Variants in GKN2 observed in about 807,000 individuals in gnomAD.
GKN2 encodes gastrokine 2, also known as gastrokine-2.
A neutral mutation model predicts 22.7 loss-of-function variants in GKN2; 17 were observed. That is an observed-to-expected ratio of 0.75 (90% confidence interval 0.51 to 1.13). The LOEUF is 1.13. GKN2 is among the 50% of genes most tolerant of loss of function. The probability of loss-of-function intolerance (pLI) is 0.00; values close to 1 mark genes in which losing one functional copy is unlikely to be tolerated. For missense variants in GKN2, 248 were observed against 221.4 expected, an observed-to-expected ratio of 1.12 and a Z score of -0.76; for synonymous variants, 82 against 79.6, an observed-to-expected ratio of 1.03 and a Z score of -0.16.
intron 2 of GKN2, 83 bp from the exon 3 acceptor site, chr2:68,950,346 G>C: frequency 7.4e-7 from 1 of 1,354,816 alleles, no homozygotes; most frequent in Non-Finnish European, 1.0e-6. Context: ...TAAAGCAGCT[G>C]CCTGCTATGA....
intron 1 of GKN2, among the ~76,000 whole-genome samples, 175 bp from the exon 2 acceptor site, chr2:68,950,930 T>A (rs560868610): frequency 6.6e-6 from 1 of 152,306 alleles, no homozygotes; most frequent in East Asian, 1.9e-4. Flanking sequence ...GGCTCACACA[T>A]TGGCTCATTT....
At chr2:68,947,985 C>T (rs1382811570) in intron 3 of GKN2, among the ~76,000 whole-genome samples, 1 of 151,850 alleles carries the variant, frequency 6.6e-6, no homozygotes, top group African/African-American at 2.4e-5. Flanking sequence ...GTGGCTCACA[C>T]CTGTAATCCC....
At chr2:68,948,917 C>G (rs913591452) in intron 3 of GKN2, among the ~76,000 whole-genome samples, 1 of 152,142 alleles carries the variant, frequency 6.6e-6, no homozygotes, top group East Asian at 1.9e-4. Flanking sequence ...ATTTCCATGA[C>G]AGTTGCTTAA....
At position 68,947,231 on chromosome 2, in the gene GKN2, G is replaced by C. The variant is rs370822397; in HGVS notation, c.231C>G (p.Ser77=). 6.8e-6 allele frequency: 11 copies of C among 1,613,528 alleles called. No individual in the cohort carries two copies. The highest frequency in any genetic ancestry group is 9.3e-6 in the Non-Finnish European group (11 of 1,179,604). The change falls in exon 4 of 6, where the codon TCC becomes TCG. Residue 77 remains serine, a synonymous_variant. Transcript: ENST00000328895. ...KHGYIASRVL[S]RRACFILKMD... ...TCTTCAGGATAAAGCAGGCTCTTCG[G>C]GAGAGCACCCTGGATGCAATGTAGC...
chr2:68,949,383 T>C (rs1429253075), intron 3 of GKN2, among the ~76,000 whole-genome samples: 2 of 152,058 alleles, frequency 1.3e-5, no homozygotes, highest in Non-Finnish European at 2.9e-5. Flanking sequence ...GATTGCTTTG[T>C]GATTGTTCTT....
chr2:68,952,270 G>T (rs1669867330), intron 1 of GKN2, among the ~76,000 whole-genome samples: 1 of 152,166 alleles, frequency 6.6e-6, no homozygotes, highest in African/African-American at 2.4e-5. Flanking sequence ...TGCAAGTGGG[G>T]ATTCAGATGG....
chr2:68,952,023 C>T (rs939919383), intron 1 of GKN2, among the ~76,000 whole-genome samples: 2 of 152,198 alleles, frequency 1.3e-5, no homozygotes, highest in Admixed American at 6.5e-5. Flanking sequence ...TAACATTTTG[C>T]TTTCTCCCTT....
At chr2:68,946,535 C>T (rs1158198940) in intron 4 of GKN2, 75 bp from the exon 5 acceptor site, 10 of 1,242,630 alleles carry the variant, frequency 8.0e-6, no homozygotes, top group Non-Finnish European at 1.1e-5. Flanking sequence ...TAAATTGTGA[C>T]AATTTTTCTC....
At position 68,948,260 on chromosome 2, in the gene GKN2, A is replaced by AC. The variant is rs1558706595; in HGVS notation, c.205-1004_205-1003insG. On this transcript the variant is annotated intron_variant, in intron 3 of 5. Transcript: ENST00000328895. ...GACTCCGTCAAAAAAAAAAAACAAAAAAAAAAAACTGTGCTGTCCAATATG... is the reference window on the plus strand; with the variant it reads ...GACTCCGTCAAAAAAAAAAAACAAAACAAAAAAAACTGTGCTGTCCAATATG... Among the ~76,000 whole-genome samples, 5 of 151,346 alleles carry AC rather than the reference A, an allele frequency of 3.3e-5. No individual in the cohort carries two copies. In the East Asian group the frequency reaches 7.8e-4, roughly 24 times the overall value.
chr2:68,946,163 T>G, intron 5 of GKN2, 141 bp downstream of exon 5: 1 of 627,324 alleles, frequency 1.6e-6, no homozygotes. Flanking sequence ...TTTACACACA[T>G]GGCATGTAAT....
At chr2:68,947,594 T>C (rs1015044295) in intron 3 of GKN2, among the ~76,000 whole-genome samples, 4 of 152,012 alleles carry the variant, frequency 2.6e-5, no homozygotes, top group Non-Finnish European at 5.9e-5. Flanking sequence ...TTATTACCAT[T>C]ATTATTATTT....
At chr2:68,945,969 G>A in intron 5 of GKN2, 1 of 355,742 alleles carries the variant, frequency 2.8e-6, no homozygotes, top group Non-Finnish European at 5.0e-6. Flanking sequence ...TATTCTAAGG[G>A]CCCAGATGAC....
rs1128272 is a variant in GKN2, at chr2:68,946,438, C to T, written c.338G>A (p.Ser113Asn). 203,831 of 1,608,890 alleles carry T rather than the reference C, an allele frequency of 0.13. 20,748 individuals are homozygous for T. The highest frequency in any genetic ancestry group is 0.45 in the African/African-American group (33,210 of 74,624). ...GTTGTACTTGACCCAGGTGTATTTG[C>T]TGGAGAACATGTTGTCCAGAGCCTA... ...EKQALDNMFS[S>N]KYTWVKYNPL... Residue 113 changes from serine (S) to asparagine (N), a missense_variant, in exon 5 of 6, where the codon AGC (serine) becomes AAC (asparagine). Transcript: ENST00000328895.
At chr2:68,947,283 G>C (rs1669785033) in intron 3 of GKN2, 26 bp from the exon 4 acceptor site, 2 of 1,436,920 alleles carry the variant, frequency 1.4e-6, no homozygotes, top group Non-Finnish European at 2.0e-6. Context: ...TACAGTTACT[G>C]TTCCTCCCTA....
intron 3 of GKN2, among the ~76,000 whole-genome samples, chr2:68,949,552 T>A (rs1669824093): frequency 6.6e-6 from 1 of 152,034 alleles, no homozygotes; most frequent in Non-Finnish European, 1.5e-5. Context: ...CCCAAGTAGG[T>A]GGGACCACAG....
chr2:68,946,360 A>G lies in GKN2; in HGVS notation c.416T>C (p.Ile139Thr), dbSNP rs1312553029. 6.2e-7 allele frequency: 1 copy of G among 1,614,040 alleles called. No individual in the cohort carries two copies. Among genetic ancestry groups the G allele is most frequent in the Admixed American group, 1.7e-5 (1 of 59,978 alleles). The change falls in exon 5 of 6, where the codon ATT (isoleucine) becomes ACT (threonine). Residue 139 changes from isoleucine to threonine, a missense_variant. Coordinates refer to ENST00000328895, the MANE Select transcript of GKN2 (RefSeq NM_182536.3). ...DVDWFLLGSP[I>T]EKLCKHIPLY... ...AGGGATATGTTTGCAGAGTTTCTCAATGGGTGACCCAAGCAGGAACCAATC... is the reference window on the plus strand; with the variant it reads ...AGGGATATGTTTGCAGAGTTTCTCAGTGGGTGACCCAAGCAGGAACCAATC...
intron 3 of GKN2, among the ~76,000 whole-genome samples, 190 bp from the exon 4 acceptor site, chr2:68,947,447 T>C (rs1337657851): frequency 2.0e-5 from 3 of 152,212 alleles, no homozygotes; most frequent in Non-Finnish European, 4.4e-5. Flanking sequence ...TTTTCACTTG[T>C]CATTTCTACC....
chr2:68,945,395 A>C lies in GKN2; in HGVS notation c.528T>G (p.Ile176Met). The change falls in exon 6 of 6, where the codon ATT becomes ATG. Residue 176 changes from isoleucine to methionine, a missense_variant. Coordinates refer to ENST00000328895, the MANE Select transcript of GKN2 (RefSeq NM_182536.3). The stretch of plus-strand genomic sequence containing the variant: ...AAACATGAATGTCTGCACAGATTGA[A>C]ATTCCCAAGATGCCCAGGAGCCCAG... Reference protein sequence around the residue: ...AKAGLLGILGISICADIHV With the variant: ...AKAGLLGILGMSICADIHV 1 of 1,611,742 alleles carries C rather than the reference A, an allele frequency of 6.2e-7. No homozygotes were observed. The highest frequency in any genetic ancestry group is 8.5e-7 in the Non-Finnish European group (1 of 1,178,392).
At chr2:68,949,570 C>A (rs750381132) in intron 3 of GKN2, among the ~76,000 whole-genome samples, 2 of 152,036 alleles carry the variant, frequency 1.3e-5, no homozygotes, top group Non-Finnish European at 2.9e-5. Context: ...CAGGCCCGCA[C>A]CACCACACCC....
Sources: gnomAD v4.1 joint callset for allele counts (sites outside exome capture counted in the v4.1 genomes callset) on GRCh38, gnomAD v4.1.1 for gene constraint, MANE v1.5 for transcripts, NCBI Gene and HGNC (gene_info 2026-07-23, HGNC 2026-07-21) for gene names.